ST3GAL6: variants seen among roughly 807,000 people sequenced by gnomAD.
ST3GAL6 encodes ST3 beta-galactoside alpha-2,3-sialyltransferase 6, also known as type 2 lactosamine alpha-2,3-sialyltransferase.
A neutral mutation model predicts 40.5 loss-of-function variants in ST3GAL6; 31 were observed. The observed-to-expected ratio is 0.77, with a 90% CI of 0.58 to 1.03. ST3GAL6 has a LOEUF of 1.03. Ranked by LOEUF, ST3GAL6 falls within the 50% of genes least tolerant of loss-of-function variation. The pLI is 0.00. For missense variants in ST3GAL6, 357 were observed against 393.2 expected (o/e 0.91, Z 0.78); for synonymous variants, 129 against 136.9 (o/e 0.94, Z 0.40).
At chr3:98,764,403 G>T (rs1391534863) in intron 1 of ST3GAL6, among the ~76,000 whole-genome samples, 2 of 152,140 alleles carry the variant, frequency 1.3e-5, no homozygotes, top group Non-Finnish European at 2.9e-5. Flanking sequence ...GCAGAACTGG[G>T]AACAGGGTTG....
chr3:98,743,699 A>G (rs1188054329), intron 1 of ST3GAL6, among the ~76,000 whole-genome samples: 1 of 152,190 alleles, frequency 6.6e-6, no homozygotes, highest in African/African-American at 2.4e-5. Context: ...GAAGGGTACC[A>G]TGTGTTCCCA....
rs1576007564 is a variant in ST3GAL6 at position 98,733,083 on chromosome 3, C to T, written c.-12+551C>T. The T allele has an allele frequency of 7.3e-6, 10 of 1,363,784 alleles. No homozygotes were observed. The East Asian group carries it at 1.5e-4, about 21-fold the overall frequency. 84.5% of individuals were successfully genotyped at this position (1,363,784 alleles called of 1,614,324 possible). A position where few individuals can be genotyped will look rare whatever the true frequency, so the allele number is the denominator to read the frequency against. On this transcript the variant is annotated intron_variant, in intron 1 of 9. Transcript: ENST00000265261. ...GGGCGGCCTGGGGTCTGTGCTGCCC[C>T]GACCCTCCGGCTTTGCAGCCTCTGA...
chr3:98,748,237 C>G (rs758574628), intron 1 of ST3GAL6, among the ~76,000 whole-genome samples: 2 of 152,102 alleles, frequency 1.3e-5, no homozygotes, highest in African/African-American at 2.4e-5. Flanking sequence ...GAATAAGGAC[C>G]CTGGCAGCAA....
chr3:98,735,161 T>G (rs1318381738), intron 1 of ST3GAL6, among the ~76,000 whole-genome samples: 1 of 152,226 alleles, frequency 6.6e-6, no homozygotes, highest in Non-Finnish European at 1.5e-5. Context: ...GAAAGGAATT[T>G]TTAGCCCCAT....
rs1940899797 is a variant in ST3GAL6 at position 98,788,139 on chromosome 3, G to T, written c.535G>T (p.Asp179Tyr). 1 of 1,613,982 alleles carries T rather than the reference G, an allele frequency of 6.2e-7. No individual in the cohort carries two copies. The highest frequency in any genetic ancestry group is 1.1e-5 in the South Asian group (1 of 91,036). ...ESVFSDPIHN[D>Y]PNTTVILTAF... Reference sequence around the variant, plus strand: ...TGTTTTTTCAGATCCTATTCACAATGACCCTAATACGACAGTGATTCTCAC... The same window carrying T: ...TGTTTTTTCAGATCCTATTCACAATTACCCTAATACGACAGTGATTCTCAC... Residue 179 changes from aspartate (D) to tyrosine (Y), a missense_variant, in exon 7 of 10, where the codon GAC becomes TAC. Transcript: ENST00000483910.
intron 4 of ST3GAL6, 83 bp from the exon 5 acceptor site, chr3:98,773,837 G>T (rs1939251539): frequency 3.7e-6 from 4 of 1,094,198 alleles, no homozygotes; most frequent in Admixed American, 1.8e-5. Flanking sequence ...AAATGGGTTT[G>T]TGTGGGAGGG....
intron 1 of ST3GAL6, among the ~76,000 whole-genome samples, chr3:98,746,647 A>G (rs1189860394): frequency 6.6e-6 from 1 of 152,160 alleles, no homozygotes; most frequent in Non-Finnish European, 1.5e-5. Context: ...AAAGAATTCC[A>G]TACATGAGTC....
At chr3:98,742,905 G>A (rs1936222886) in intron 1 of ST3GAL6, among the ~76,000 whole-genome samples, 1 of 150,974 alleles carries the variant, frequency 6.6e-6, no homozygotes, top group Admixed American at 6.6e-5. Flanking sequence ...TGTCCATGTT[G>A]GTCAGGCTGG....
chr3:98,789,753 C>T (rs889011041), intron 8 of ST3GAL6, among the ~76,000 whole-genome samples: 8 of 152,112 alleles, frequency 5.3e-5, no homozygotes, highest in African/African-American at 1.7e-4. Flanking sequence ...GTTTTCACTT[C>T]CTATATTCCT....
At chr3:98,789,437 CATA>C in intron 8 of ST3GAL6, among the ~76,000 whole-genome samples, 1 of 152,288 alleles carries the variant, frequency 6.6e-6, no homozygotes, top group Non-Finnish European at 1.5e-5. Context: ...TTCATAAACA[CATA>C]ATCTTTTTGT....
chr3:98,748,551 C>T (rs940736826), intron 1 of ST3GAL6, among the ~76,000 whole-genome samples: 11 of 152,144 alleles, frequency 7.2e-5, no homozygotes, highest in East Asian at 3.8e-4. Flanking sequence ...CTGCAACCTC[C>T]GCCTCCGGGT....
At chr3:98,771,986 A>G (rs1446850271) in intron 3 of ST3GAL6, among the ~76,000 whole-genome samples, 1 of 152,200 alleles carries the variant, frequency 6.6e-6, no homozygotes, top group African/African-American at 2.4e-5. Context: ...AAAGATGCCG[A>G]TCGTGACTCA....
chr3:98,763,991 G>A (rs1448318008), intron 1 of ST3GAL6, among the ~76,000 whole-genome samples: 1 of 152,138 alleles, frequency 6.6e-6, no homozygotes, highest in Non-Finnish European at 1.5e-5. Flanking sequence ...GGCTGGGCTT[G>A]CAGATGGGCA....
chr3:98,743,952 G>C (rs767367494), intron 1 of ST3GAL6, among the ~76,000 whole-genome samples: 11 of 137,578 alleles, frequency 8.0e-5, no homozygotes, highest in Non-Finnish European at 1.5e-4. Context: ...CAGTACCTCA[G>C]ATTGTGACCT....
In ST3GAL6 at chr3:98,795,793, C is replaced by T. The variant is rs909518105; in HGVS notation, c.*2032C>T. 3 of 152,136 alleles carry T rather than the reference C, an allele frequency of 2.0e-5. No individual in the cohort carries two copies. The highest frequency in any genetic ancestry group is 4.8e-5 in the African/African-American group (2 of 41,414). 9.4% of individuals were successfully genotyped at this position (152,136 alleles called of 1,614,324 possible). On this transcript the variant is annotated 3_prime_UTR_variant, in exon 10 of 10. Transcript: ENST00000483910. The stretch of plus-strand genomic sequence containing the variant: ...CACAATATACCCATGTAACAACCTG[C>T]ACTCTGCACATGTACCCTTAGAATC...
At chr3:98,754,025 C>CT (rs1937229793) in intron 1 of ST3GAL6, among the ~76,000 whole-genome samples, 1 of 152,130 alleles carries the variant, frequency 6.6e-6, no homozygotes, top group African/African-American at 2.4e-5. Context: ...ATTCTGCAGT[C>CT]TCTGAATCAA....
chr3:98,776,664 A>G (rs1309738332), intron 5 of ST3GAL6, among the ~76,000 whole-genome samples: 5 of 152,024 alleles, frequency 3.3e-5, no homozygotes, highest in Non-Finnish European at 5.9e-5. Context: ...CTCTCTGCTC[A>G]TTTTTTCCTA....
chr3:98,774,969 A>G (rs1939378738), intron 5 of ST3GAL6, among the ~76,000 whole-genome samples: 1 of 152,218 alleles, frequency 6.6e-6, no homozygotes, highest in Non-Finnish European at 1.5e-5. Flanking sequence ...TAGCAACCAT[A>G]AATTTTTTCA....
chr3:98,792,655 C>T (rs1485184781), intron 9 of ST3GAL6, among the ~76,000 whole-genome samples: 9 of 149,642 alleles, frequency 6.0e-5, no homozygotes, highest in South Asian at 4.3e-4. Flanking sequence ...AACAGGCGCC[C>T]GCCACCACGA....
Sources: allele counts gnomAD v4.1 joint callset (sites outside exome capture counted in the v4.1 genomes callset), GRCh38; gene constraint gnomAD v4.1.1; transcripts MANE v1.5; gene names NCBI Gene and HGNC (gene_info 2026-07-23, HGNC 2026-07-21).